MBTD1: variants seen among roughly 807,000 people sequenced by gnomAD.
MBTD1 encodes MBT domain-containing protein 1.
In MBTD1, 24 loss-of-function variants were observed where a neutral mutation model predicts 87.8. The ratio of observed to expected loss-of-function variants is 0.27; its 90% CI spans 0.20 to 0.38. The LOEUF (loss-of-function observed/expected upper bound fraction) is 0.38, where lower values mean the gene tolerates loss of function less well. Ranked by LOEUF, MBTD1 falls within the 10% of genes least tolerant of loss-of-function variation. The pLI is 1.00. For synonymous variants in MBTD1, 237 were observed against 248.6 expected, an observed-to-expected ratio of 0.95 and a Z score of 0.44; for missense variants, 436 against 760.2, an observed-to-expected ratio of 0.57 and a Z score of 5.02.
At chr17:51,197,045 T>G (rs1294097293) in intron 12 of MBTD1, among the ~76,000 whole-genome samples, 41 of 288 alleles carry the variant, frequency 0.14, no homozygotes, top group Middle Eastern at 0.5. Flanking sequence ...ATACAAGATA[T>G]ATATATATAT....
chr17:51,240,878 C>T (rs2054125744), intron 2 of MBTD1, among the ~76,000 whole-genome samples: 3 of 152,018 alleles, frequency 2.0e-5, no homozygotes. Flanking sequence ...TTTTAGGTGC[C>T]CTCAGGATTA....
In MBTD1 at chr17:51,179,482, T is replaced by TTATATATATATATATATATATATATA. The variant is rs1491325264; in HGVS notation, c.*1093_*1094insTATATATATATATATATATATATATA. The stretch of plus-strand genomic sequence containing the variant: ...AAATCCTGAATACAATTAAAGACAA[T>TTATATATATATATATATATATATATA]TTTATATATATATATATATATATAT... On this transcript the variant is annotated 3_prime_UTR_variant, in exon 17 of 17. Transcript: ENST00000586178. The TTATATATATATATATATATATATATA allele has an allele frequency of 7.3e-4, 23 of 31,646 alleles. No individual in the cohort carries two copies. The highest frequency in any genetic ancestry group is 1.1e-3 in the Non-Finnish European group (21 of 18,742). 2.0% of individuals were successfully genotyped at this position (31,646 alleles called of 1,614,324 possible). A position where few individuals can be genotyped will look rare whatever the true frequency, so the allele number is the denominator to read the frequency against.
rs547668685 is a variant in MBTD1, at chr17:51,258,969, TGA to T, written c.-49+172_-49+173del. On this transcript the variant is annotated intron_variant, in intron 2 of 16. Transcript: ENST00000586178. ...GAGCAGTGGGTGGGTGAGGAGGATG[TGA>T]GAGAAAATTTGAGAAGTAAAAAAAG... is the stretch of plus-strand genomic sequence containing the variant. Among the ~76,000 whole-genome samples, 742 of 152,114 alleles carry T rather than the reference TGA, an allele frequency of 4.9e-3. 2 individuals are homozygous for T. The highest frequency in any genetic ancestry group is 7.2e-3 in the Non-Finnish European group (490 of 67,996).
intron 16 of MBTD1, among the ~76,000 whole-genome samples, chr17:51,187,667 T>C (rs900687757): frequency 2.0e-5 from 3 of 151,886 alleles, no homozygotes; most frequent in South Asian, 2.1e-4. Context: ...CTGGCCAACA[T>C]AGTGAAACCC....
chr17:51,236,232 G>A (rs1292573499), intron 2 of MBTD1, among the ~76,000 whole-genome samples: 4 of 151,922 alleles, frequency 2.6e-5, no homozygotes, highest in Non-Finnish European at 2.9e-5. Context: ...TTCACACTAT[G>A]TAATGACACT....
Position 51,195,371 on chromosome 17 carries a change from G to T in MBTD1, c.1225-10C>A. 1 of 1,577,234 alleles carries T rather than the reference G, an allele frequency of 6.3e-7. No individual in the cohort carries two copies. The highest frequency in any genetic ancestry group is 8.6e-7 in the Non-Finnish European group (1 of 1,162,090). On this transcript the variant is annotated splice_polypyrimidine_tract_variant and intron_variant, in intron 12 of 16. Coordinates refer to ENST00000586178, the MANE Select transcript of MBTD1 (RefSeq NM_017643.3). ...ATCCGTCAGCTAGCACCTTTTCAAT[G>T]AAGAGAATTCTAAGTACTTGAAATT...
chr17:51,244,568 A>G (rs1039799917), intron 2 of MBTD1, among the ~76,000 whole-genome samples: 1 of 151,860 alleles, frequency 6.6e-6, no homozygotes, highest in Non-Finnish European at 1.5e-5. Context: ...CCAACAAGCC[A>G]GGCTAATTTT....
chr17:51,203,990 T>G, intron 7 of MBTD1, 65 bp from the exon 8 acceptor site: 2 of 1,282,510 alleles, frequency 1.6e-6, no homozygotes, highest in Non-Finnish European at 2.2e-6. Context: ...ATACAGCATC[T>G]GATAGCAGTT....
chr17:51,247,441 CTTTTTT>C lies in MBTD1; in HGVS notation c.-49+11696_-49+11701del, dbSNP rs58720477. 2.2e-3 allele frequency among the ~76,000 whole-genome samples: 296 copies of C among 132,000 alleles called. 1 individual carries two copies. Among genetic ancestry groups the C allele is most frequent in the African/African-American group, 4.2e-3 (143 of 33,806 alleles). The allele number at this position is 132,000 out of a possible 152,430, so 86.6% of individuals were successfully genotyped here. The stretch of plus-strand genomic sequence containing the variant: ...TGATCAGGCTAAGAAATCAGTATTA[CTTTTTT>C]TTTTTTTTTTTTTTTTGGAGACACG... On this transcript the variant is annotated intron_variant, in intron 2 of 16. Transcript: ENST00000586178.
Position 51,213,944 on chromosome 17 carries a change from T to C in MBTD1, c.486+3390A>G, listed in dbSNP as rs1285194255. ...AAAAGAAAAAAAAAAAGGGCAATTA[T>C]GATGCTTAAATAAAAGGTCTGAAAA... On this transcript the variant is annotated intron_variant, in intron 6 of 16. Transcript: ENST00000586178. Among the ~76,000 whole-genome samples, 5 of 151,688 alleles carry C rather than the reference T, an allele frequency of 3.3e-5. No homozygotes were observed. The South Asian group carries it at 8.3e-4, about 25-fold the overall frequency.
intron 16 of MBTD1, chr17:51,191,996 T>C: frequency 1.7e-6 from 1 of 571,674 alleles, no homozygotes; most frequent in South Asian, 2.2e-5. Context: ...CTTTAAATAC[T>C]GTGGTAATAA....
chr17:51,210,806 A>G (rs1426829119), intron 6 of MBTD1, among the ~76,000 whole-genome samples: 1 of 151,260 alleles, frequency 6.6e-6, no homozygotes, highest in African/African-American at 2.4e-5. Flanking sequence ...CAACATGCAT[A>G]AAACAGTCCA....
chr17:51,244,549 A>T (rs1208836801), intron 2 of MBTD1, among the ~76,000 whole-genome samples: 3 of 152,016 alleles, frequency 2.0e-5, no homozygotes, highest in Non-Finnish European at 4.4e-5. Flanking sequence ...CTGGGATTAC[A>T]GGTGTGCACC....
Position 51,221,821 on chromosome 17 carries a change from T to C in MBTD1, c.155-1358A>G, listed in dbSNP as rs544490801. ...GTTATATGTAAATACCACATCATTT[T>C]ATATAAGGAATTTGAGCATTTGTGA... On this transcript the variant is annotated intron_variant, in intron 3 of 16. Coordinates refer to ENST00000586178, the MANE Select transcript of MBTD1 (RefSeq NM_017643.3). Among the ~76,000 whole-genome samples the C allele has an allele frequency of 2.8e-4, 43 of 152,326 alleles. No homozygotes were observed. The South Asian group carries it at 8.3e-3, about 29-fold the overall frequency.
At chr17:51,185,551 T>C (rs1261035207) in intron 16 of MBTD1, 2 of 152,238 alleles carry the variant, frequency 1.3e-5, no homozygotes, top group East Asian at 1.9e-4. Flanking sequence ...TCAACTAAGA[T>C]TGTGATCAAT....
At chr17:51,254,128 T>G (rs1397720059) in intron 2 of MBTD1, among the ~76,000 whole-genome samples, 1 of 152,204 alleles carries the variant, frequency 6.6e-6, no homozygotes, top group African/African-American at 2.4e-5. Context: ...AATCTTAAAT[T>G]TGAATGTTGT....
At chr17:51,238,258 T>G (rs913580030) in intron 2 of MBTD1, among the ~76,000 whole-genome samples, 2 of 152,196 alleles carry the variant, frequency 1.3e-5, no homozygotes, top group African/African-American at 2.4e-5. Context: ...AAAAAATCTA[T>G]AGCCAGCCAA....
chr17:51,254,315 C>T (rs1452432544), intron 2 of MBTD1, among the ~76,000 whole-genome samples: 1 of 152,118 alleles, frequency 6.6e-6, no homozygotes, highest in Non-Finnish European at 1.5e-5. Context: ...AGAGAAATGC[C>T]TTCTTTCTTT....
chr17:51,231,295 G>A (rs1176718269), intron 2 of MBTD1, among the ~76,000 whole-genome samples: 1 of 151,990 alleles, frequency 6.6e-6, no homozygotes, highest in Admixed American at 6.6e-5. Context: ...TAGCCAACTT[G>A]GTTAGCAGCT....
Sources: gnomAD v4.1 joint callset for allele counts (sites outside exome capture counted in the v4.1 genomes callset) on GRCh38, gnomAD v4.1.1 for gene constraint, MANE v1.5 for transcripts, NCBI Gene and HGNC (gene_info 2026-07-23, HGNC 2026-07-21) for gene names.